ADORA2B: variants seen among roughly 807,000 people sequenced by gnomAD.
ADORA2B encodes adenosine receptor A2b.
In ADORA2B, 18 loss-of-function variants were observed where a neutral mutation model predicts 20.8. That is an observed-to-expected ratio of 0.87 (90% confidence interval 0.60 to 1.29). ADORA2B has a LOEUF of 1.29. Among genes scored for constraint, ADORA2B ranks in the 50% most tolerant of loss-of-function variants. ADORA2B has a pLI of 0.00. For missense variants in ADORA2B, 441 were observed against 422.7 expected, an observed-to-expected ratio of 1.04 and a Z score of -0.38; for synonymous variants, 179 against 178.3, an observed-to-expected ratio of 1.00 and a Z score of -0.03.
intron 1 of ADORA2B, among the ~76,000 whole-genome samples, chr17:15,950,210 T>G (rs1969879941): frequency 1.3e-5 from 2 of 152,188 alleles, no homozygotes; most frequent in South Asian, 4.1e-4. Context: ...GAAGGCCGTT[T>G]GAAGGTGGAG....
the ADORA2B span, among the ~76,000 whole-genome samples, chr17:15,853,786 G>A: frequency 6.6e-6 from 1 of 152,144 alleles, no homozygotes; most frequent in Admixed American, 6.5e-5. Context: ...TAGAAAAAAA[G>A]GTAAACTTTC....
chr17:15,974,481 G>A (rs1970223211), intron 1 of ADORA2B, 198 bp from the exon 2 acceptor site: 1 of 537,144 alleles, frequency 1.9e-6, no homozygotes, highest in South Asian at 3.0e-5. Context: ...CAAGAATGAA[G>A]ATCTTACTGA....
At chr17:15,869,335 TAA>T in the ADORA2B span, among the ~76,000 whole-genome samples, 58 of 149,538 alleles carry the variant, frequency 3.9e-4, no homozygotes, top group African/African-American at 1.1e-3. Flanking sequence ...ATAATAATAA[TAA>T]TAATTATTAT....
chr17:15,951,430 A>C lies in ADORA2B; in HGVS notation c.335+5847A>C, dbSNP rs555829551. ...GTTACCTGCATCAGGGCATCACCCA[A>C]GCCTGAGTGTTACTTTGCTGTCATT... On this transcript the variant is annotated intron_variant, in intron 1 of 1. Coordinates refer to ENST00000304222, the MANE Select transcript of ADORA2B (RefSeq NM_000676.4). 1.1e-4 allele frequency among the ~76,000 whole-genome samples: 16 copies of C among 152,312 alleles called. 1 individual carries two copies. The East Asian group carries it at 2.9e-3, about 28-fold the overall frequency.
At chr17:15,868,721 A>C in the ADORA2B span, among the ~76,000 whole-genome samples, 1 of 137,934 alleles carries the variant, frequency 7.2e-6, no homozygotes, top group East Asian at 2.0e-4. Context: ...TGGAGGTTGC[A>C]GTGAGCTGAG....
At chr17:15,928,526 G>A in the ADORA2B span, among the ~76,000 whole-genome samples, 3 of 152,100 alleles carry the variant, frequency 2.0e-5, no homozygotes, top group Non-Finnish European at 4.4e-5. Flanking sequence ...AGCTGTACAA[G>A]GGCATGGGAC....
chr17:15,865,385 C>G, the ADORA2B span, among the ~76,000 whole-genome samples: 18 of 151,460 alleles, frequency 1.2e-4, no homozygotes, highest in Middle Eastern at 6.8e-3. Flanking sequence ...CCTCGACCTC[C>G]GGAGTAGCTG....
At chr17:15,969,501 T>A (rs928386574) in intron 1 of ADORA2B, among the ~76,000 whole-genome samples, 2 of 152,084 alleles carry the variant, frequency 1.3e-5, no homozygotes, top group African/African-American at 4.8e-5. Flanking sequence ...TTTTCCTGCA[T>A]CTTCTCTACT....
At chr17:15,870,942 T>G in the ADORA2B span, among the ~76,000 whole-genome samples, 2 of 152,372 alleles carry the variant, frequency 1.3e-5, no homozygotes, top group Middle Eastern at 3.4e-3. Flanking sequence ...CTGCTCTCCC[T>G]GCTTCTGTGC....
At chr17:15,929,092 C>T in the ADORA2B span, among the ~76,000 whole-genome samples, 2,450 of 152,000 alleles carry the variant, frequency 0.016, 23 homozygotes, top group Non-Finnish European at 0.025. Flanking sequence ...CAGGGGAGAC[C>T]CCGACTTCTA....
the ADORA2B span, among the ~76,000 whole-genome samples, chr17:15,928,642 T>C: frequency 3.7e-4 from 56 of 152,272 alleles, no homozygotes; most frequent in African/African-American, 1.2e-3. Flanking sequence ...CTGGAGAACA[T>C]GCAGTTACTG....
the ADORA2B span, among the ~76,000 whole-genome samples, chr17:15,918,973 A>G: frequency 2.6e-5 from 4 of 152,184 alleles, no homozygotes; most frequent in Non-Finnish European, 5.9e-5. Context: ...CCACCCAGGC[A>G]GGTCCTGAGC....
chr17:15,974,747 G>A lies in ADORA2B; in HGVS notation c.404G>A (p.Gly135Asp), dbSNP rs1567785517. ...VIAVLWVLAF[G>D]IGLTPFLGWN... Reference sequence around the variant, plus strand: ...GCTGTCCTCTGGGTCCTTGCCTTTGGCATCGGATTGACTCCATTCCTGGGG... The same window carrying A: ...GCTGTCCTCTGGGTCCTTGCCTTTGACATCGGATTGACTCCATTCCTGGGG... Residue 135 changes from glycine (G) to aspartate (D), a missense_variant, in exon 2 of 2, where the codon GGC becomes GAC. Gly to Asp is a moderately conservative substitution (Grantham distance 94). Coordinates refer to ENST00000304222, the MANE Select transcript of ADORA2B (RefSeq NM_000676.4). 1 of 1,614,146 alleles carries A rather than the reference G, an allele frequency of 6.2e-7. No individual in the cohort carries two copies. The highest frequency in any genetic ancestry group is 1.7e-5 in the Admixed American group (1 of 60,016).
intron 1 of ADORA2B, among the ~76,000 whole-genome samples, chr17:15,949,289 G>T (rs1427578488): frequency 6.6e-6 from 1 of 152,048 alleles, no homozygotes. Context: ...AAGGCGAATA[G>T]ATCAGTTGAG....
At chr17:15,952,327 T>G (rs1597849080) in intron 1 of ADORA2B, among the ~76,000 whole-genome samples, 1 of 152,164 alleles carries the variant, frequency 6.6e-6, no homozygotes, top group Non-Finnish European at 1.5e-5. Flanking sequence ...CGTTTCTGGG[T>G]GCCAGGCACC....
the ADORA2B span, among the ~76,000 whole-genome samples, chr17:15,876,455 T>TC: frequency 1.4e-4 from 21 of 150,136 alleles, no homozygotes; most frequent in Middle Eastern, 3.4e-3. Context: ...TTTTCTTTTT[T>TC]TTTTTTTTTG....
At chr17:15,874,062 G>GTATATA in the ADORA2B span, among the ~76,000 whole-genome samples, 23 of 99,586 alleles carry the variant, frequency 2.3e-4, no homozygotes, top group African/African-American at 6.8e-4. Context: ...ATATATATGT[G>GTATATA]TGTGTGTATA....
At chr17:15,972,195 G>A (rs944927305) in intron 1 of ADORA2B, among the ~76,000 whole-genome samples, 1 of 152,176 alleles carries the variant, frequency 6.6e-6, no homozygotes, top group African/African-American at 2.4e-5. Context: ...AGAATAGCAT[G>A]AGCCAGAGGG....
At chr17:15,897,916 A>T in the ADORA2B span, among the ~76,000 whole-genome samples, 1 of 152,154 alleles carries the variant, frequency 6.6e-6, no homozygotes, top group African/African-American at 2.4e-5. Context: ...CTAGAAAAAT[A>T]TATATTTCTT....
Sources: allele counts gnomAD v4.1 joint callset (sites outside exome capture counted in the v4.1 genomes callset), GRCh38; gene constraint gnomAD v4.1.1; transcripts MANE v1.5; gene names NCBI Gene and HGNC (gene_info 2026-07-23, HGNC 2026-07-21).